The following ZC3H12B variants were observed in gnomAD, a reference collection of about 807,000 sequenced individuals.
ZC3H12B encodes the protein zinc finger CCCH-type containing 12B, also known as probable ribonuclease ZC3H12B.
Under a neutral mutation model 43.9 loss-of-function variants are expected in ZC3H12B, and 7 were observed. The observed-to-expected ratio is 0.16, with a 90% CI of 0.09 to 0.30. ZC3H12B has a LOEUF of 0.30. Ranked by LOEUF, ZC3H12B falls within the 10% of genes least tolerant of loss-of-function variation. The pLI is 1.00. For missense variants in ZC3H12B, 475 were observed against 670.2 expected, an observed-to-expected ratio of 0.71 and a Z score of 3.22; for synonymous variants, 222 against 241.7, an observed-to-expected ratio of 0.92 and a Z score of 0.76.
At chrX:65,280,848 G>A in the ZC3H12B span, among the ~76,000 whole-genome samples, 5 of 111,300 alleles carry the variant, frequency 4.5e-5, no homozygotes, top group African/African-American at 1.6e-4. Flanking sequence ...AAGACTACAT[G>A]GACAACTATA....
intron 2 of ZC3H12B, among the ~76,000 whole-genome samples, chrX:65,393,973 T>A (rs1171925483): frequency 8.9e-6 from 1 of 112,721 alleles, no homozygotes; most frequent in Non-Finnish European, 1.9e-5. Context: ...TTTTTTCATA[T>A]GCTTGTTGGC....
chrX:65,278,825 C>A, the ZC3H12B span, among the ~76,000 whole-genome samples: 1 of 102,985 alleles, frequency 9.7e-6, no homozygotes, highest in Non-Finnish European at 2.0e-5. Context: ...AAGTAGACCC[C>A]AGTGTCTATT....
At chrX:65,204,575 G>A in the ZC3H12B span, among the ~76,000 whole-genome samples, 1 of 111,446 alleles carries the variant, frequency 9.0e-6, no homozygotes, top group Admixed American at 9.6e-5. Context: ...ACTCATATCA[G>A]CAAACTGTGG....
At chrX:65,055,708 T>C in the ZC3H12B span, among the ~76,000 whole-genome samples, 24 of 111,566 alleles carry the variant, frequency 2.2e-4, no homozygotes, top group African/African-American at 7.8e-4. Flanking sequence ...CTTTGAATTC[T>C]TCTGGTCCTG....
At chrX:65,410,904 C>G (rs758172160) in intron 3 of ZC3H12B, among the ~76,000 whole-genome samples, 22 of 112,104 alleles carry the variant, frequency 2.0e-4, no homozygotes, top group African/African-American at 6.8e-4. Context: ...TTGGAGACTA[C>G]TACAAATACT....
the ZC3H12B span, among the ~76,000 whole-genome samples, chrX:65,266,608 G>A: frequency 8.9e-6 from 1 of 111,802 alleles, no homozygotes; most frequent in African/African-American, 3.2e-5. Flanking sequence ...ATGTTGAATT[G>A]CTACCTACCA....
chrX:65,443,537 T>C (rs1218848311), intron 3 of ZC3H12B, among the ~76,000 whole-genome samples: 1 of 112,505 alleles, frequency 8.9e-6, no homozygotes, highest in Non-Finnish European at 1.9e-5. Flanking sequence ...GTCATTAGCA[T>C]TGTTTCTATA....
the ZC3H12B span, among the ~76,000 whole-genome samples, chrX:65,358,950 G>T: frequency 8.9e-6 from 1 of 111,775 alleles, no homozygotes. Context: ...TGACTTCTTT[G>T]TTAGGAGATA....
At chrX:65,145,378 C>T in the ZC3H12B span, among the ~76,000 whole-genome samples, 1 of 110,516 alleles carries the variant, frequency 9.0e-6, no homozygotes, top group Non-Finnish European at 1.9e-5. Flanking sequence ...TTAGATGAGT[C>T]TCTTGAAGGC....
intron 3 of ZC3H12B, among the ~76,000 whole-genome samples, chrX:65,458,748 G>A (rs984299197): frequency 1.2e-4 from 13 of 111,861 alleles, no homozygotes; most frequent in African/African-American, 4.2e-4. Flanking sequence ...ATGCCCACAA[G>A]AGAAAGCAGG....
chrX:65,235,016 A>G, the ZC3H12B span, among the ~76,000 whole-genome samples: 6 of 111,900 alleles, frequency 5.4e-5, no homozygotes, highest in Admixed American at 5.7e-4. Context: ...TGCAAAGGAC[A>G]TGGCCTTGTT....
At chrX:65,089,555 G>A in the ZC3H12B span, among the ~76,000 whole-genome samples, 1 of 111,259 alleles carries the variant, frequency 9.0e-6, no homozygotes, top group Admixed American at 9.5e-5. Flanking sequence ...ATAAAACACT[G>A]TACACTTAAG....
the ZC3H12B span, among the ~76,000 whole-genome samples, chrX:65,158,550 A>T: frequency 2.7e-5 from 3 of 111,620 alleles, no homozygotes; most frequent in East Asian, 2.8e-4. Flanking sequence ...TCATGTGTTT[A>T]TTGGCTGCAT....
At chrX:65,237,362 C>A in the ZC3H12B span, among the ~76,000 whole-genome samples, 2 of 111,245 alleles carry the variant, frequency 1.8e-5, no homozygotes, top group African/African-American at 3.3e-5. Context: ...GTTTCACTCT[C>A]TGCTTGCATG....
intron 1 of ZC3H12B, among the ~76,000 whole-genome samples, chrX:65,492,097 G>A (rs1268309547): frequency 9.1e-6 from 1 of 109,586 alleles, no homozygotes; most frequent in Non-Finnish European, 1.9e-5. Context: ...ACCCTAGATC[G>A]GACCTGATTC....
the ZC3H12B span, among the ~76,000 whole-genome samples, chrX:65,241,819 C>T: frequency 1.8e-5 from 2 of 111,791 alleles, no homozygotes; most frequent in African/African-American, 3.2e-5. Flanking sequence ...CAAAACAACA[C>T]TGCTTGGCTC....
Position 65,390,246 on chromosome X carries a change from G to A in ZC3H12B, n.296-8347G>A, listed in dbSNP as rs150839627. ...CTCAGGAAGGGGAACATCACACACT[G>A]GGGCTGTCATAGGGTAGGGGGAGGG... On this transcript the variant is annotated intron_variant and non_coding_transcript_variant, in intron 2 of 5. Transcript: ENST00000617377. Among the ~76,000 whole-genome samples the A allele has an allele frequency of 6.6e-3, 727 of 110,268 alleles. 13 individuals carry two copies. The highest frequency in any genetic ancestry group is 0.023 in the African/African-American group (691 of 30,241).
chrX:65,211,378 C>A, the ZC3H12B span, among the ~76,000 whole-genome samples: 2 of 108,267 alleles, frequency 1.8e-5, no homozygotes, highest in Admixed American at 1.0e-4. Context: ...CATAAAAAAC[C>A]AAAGAGTTCC....
intron 3 of ZC3H12B, among the ~76,000 whole-genome samples, chrX:65,465,884 T>C (rs1354873078): frequency 9.1e-6 from 1 of 110,296 alleles, no homozygotes; most frequent in East Asian, 2.8e-4. Flanking sequence ...AACTTCATGA[T>C]TATATATATT....
Sources: allele counts gnomAD v4.1 joint callset (sites outside exome capture counted in the v4.1 genomes callset), GRCh38; gene constraint gnomAD v4.1.1; transcripts MANE v1.5; gene names NCBI Gene and HGNC (gene_info 2026-07-23, HGNC 2026-07-21).